SLC9B2: variants seen among roughly 807,000 people sequenced by gnomAD.
The protein encoded by SLC9B2 is solute carrier family 9 member B2, also known as sodium/hydrogen exchanger 9B2.
In SLC9B2, 39 loss-of-function variants were observed where a neutral mutation model predicts 52.2. The ratio of observed to expected loss-of-function variants is 0.75; its 90% confidence interval spans 0.58 to 0.98. The LOEUF is 0.98. Ranked by LOEUF, SLC9B2 falls within the 50% of genes least tolerant of loss-of-function variation. The pLI, the probability that SLC9B2 is intolerant of heterozygous loss-of-function variation, is 0.00. For synonymous variants in SLC9B2, 214 were observed against 227.0 expected, an observed-to-expected ratio of 0.94 and a Z score of 0.51; for missense variants, 626 against 637.5, an observed-to-expected ratio of 0.98 and a Z score of 0.19.
intron 9 of SLC9B2, among the ~76,000 whole-genome samples, chr4:103,036,810 C>T (rs557346674): frequency 6.6e-6 from 1 of 151,728 alleles, no homozygotes. Flanking sequence ...ATTATACTGT[C>T]TAAGAATTTA....
At chr4:103,066,291 T>C (rs1322398881) in intron 3 of SLC9B2, 36 bp downstream of exon 3, 1 of 1,587,046 alleles carries the variant, frequency 6.3e-7, no homozygotes. Flanking sequence ...TATAACAACT[T>C]CATCTTTTGC....
Position 103,059,941 on chromosome 4 carries a change from G to A in SLC9B2, c.272-1970C>T, listed in dbSNP as rs999923330. 2.0e-5 allele frequency among the ~76,000 whole-genome samples: 3 copies of A among 151,998 alleles called. 1 individual carries two copies. Among genetic ancestry groups the A allele is most frequent in the Admixed American group, 1.3e-4 (2 of 15,250 alleles). ...TTTTATGTTAAATTCTAGGTTGAGTGTTATTGTTTCTCCATTCCTTGAAAA... is the reference window on the plus strand; with the variant it reads ...TTTTATGTTAAATTCTAGGTTGAGTATTATTGTTTCTCCATTCCTTGAAAA... On this transcript the variant is annotated intron_variant, in intron 3 of 11. Coordinates refer to ENST00000394785, the MANE Select transcript of SLC9B2 (RefSeq NM_178833.7).
chr4:103,047,758 T>G (rs976919216), intron 6 of SLC9B2, among the ~76,000 whole-genome samples: 71 of 152,122 alleles, frequency 4.7e-4, no homozygotes, highest in African/African-American at 1.6e-3. Flanking sequence ...TATTCCATGG[T>G]GTATATGTGC....
chr4:103,037,632 C>A (rs1420571102), intron 9 of SLC9B2, among the ~76,000 whole-genome samples: 1 of 152,126 alleles, frequency 6.6e-6, no homozygotes, highest in Non-Finnish European at 1.5e-5. Flanking sequence ...ATGTTTTCAT[C>A]AGATAACGAG....
chr4:103,030,145 T>A (rs970046301), intron 10 of SLC9B2, among the ~76,000 whole-genome samples: 2 of 152,128 alleles, frequency 1.3e-5, no homozygotes, highest in Non-Finnish European at 2.9e-5. Context: ...TAACAGGACA[T>A]ACAAGTGGTG....
intron 9 of SLC9B2, among the ~76,000 whole-genome samples, chr4:103,032,425 C>T (rs2110579792): frequency 6.6e-6 from 1 of 152,242 alleles, no homozygotes; most frequent in East Asian, 1.9e-4. Flanking sequence ...CTTTATTGCC[C>T]ATTATCTCCA....
At chr4:103,065,180 G>GCACACGCA (rs1553917892) in intron 3 of SLC9B2, among the ~76,000 whole-genome samples, 1 of 145,072 alleles carries the variant, frequency 6.9e-6, no homozygotes, top group Non-Finnish European at 1.5e-5. Context: ...GTACACACAC[G>GCACACGCA]CACACACACA....
At chr4:103,044,765 C>G in intron 8 of SLC9B2, 125 bp downstream of exon 8, 1 of 774,424 alleles carries the variant, frequency 1.3e-6, no homozygotes, top group Non-Finnish European at 2.2e-6. Flanking sequence ...TAGCAGTAAG[C>G]AATTTTAAAA....
rs1310366616 is a variant in SLC9B2 at position 103,025,297 on chromosome 4, GT to G, written c.*1072del. Among the ~76,000 whole-genome samples the G allele has an allele frequency of 6.6e-6, 1 of 152,192 alleles. No homozygotes were observed. Among genetic ancestry groups the G allele is most frequent in the African/African-American group, 2.4e-5 (1 of 41,458 alleles). ...TTATTAGAATGCTAAGCCTGTGGGAGTTATTTATATCCCACTGCTCAAGGTC... is the reference window on the plus strand; with the variant it reads ...TTATTAGAATGCTAAGCCTGTGGGAGTATTTATATCCCACTGCTCAAGGTC... On this transcript the variant is annotated 3_prime_UTR_variant, in exon 12 of 12. Transcript: ENST00000394785.
chr4:103,054,233 T>C (rs768670752), intron 4 of SLC9B2, among the ~76,000 whole-genome samples: 3 of 152,116 alleles, frequency 2.0e-5, no homozygotes, highest in Non-Finnish European at 4.4e-5. Context: ...TGTGCAATGA[T>C]TGTGCAACTG....
intron 3 of SLC9B2, 137 bp downstream of exon 3, chr4:103,066,188 CAT>C: frequency 1.0e-6 from 1 of 953,222 alleles, no homozygotes; most frequent in Non-Finnish European, 1.6e-6. Flanking sequence ...CAGAGCCACC[CAT>C]GTGTGTGAAT....
rs1742117311 is a variant in SLC9B2 at position 103,025,516 on chromosome 4, T to G, written c.*854A>C. 1 of 152,198 alleles carries G rather than the reference T, an allele frequency of 6.6e-6. No individual in the cohort carries two copies. Among genetic ancestry groups the G allele is most frequent in the Non-Finnish European group, 1.5e-5 (1 of 68,040 alleles). 9.4% of individuals were successfully genotyped at this position (152,198 alleles called of 1,614,324 possible). On this transcript the variant is annotated 3_prime_UTR_variant, in exon 12 of 12. Coordinates refer to ENST00000394785, the MANE Select transcript of SLC9B2 (RefSeq NM_178833.7). ...TTCATTAGACAGAAATAGAATTTTA[T>G]TTTCTTTTAAGCACTGTATTTTTTA...
intron 4 of SLC9B2, among the ~76,000 whole-genome samples, chr4:103,053,701 GC>G (rs1243842450): frequency 2.6e-5 from 4 of 151,566 alleles, no homozygotes; most frequent in Non-Finnish European, 5.9e-5. Flanking sequence ...CTAGGCATCA[GC>G]TTTTTTTTTT....
At chr4:103,029,791 CT>C (rs1393468681) in intron 10 of SLC9B2, among the ~76,000 whole-genome samples, 2 of 152,010 alleles carry the variant, frequency 1.3e-5, no homozygotes, top group Admixed American at 6.6e-5. Flanking sequence ...CTGTACTAAG[CT>C]TTAAATGTAT....
downstream of SLC9B2, among the ~76,000 whole-genome samples, chr4:103,021,528 A>G (rs1741790359): frequency 6.6e-6 from 1 of 152,250 alleles, no homozygotes; most frequent in Non-Finnish European, 1.5e-5. Context: ...TCTTATAAAA[A>G]TTAAGTTTTA....
At chr4:103,050,969 A>C (rs1241525744) in intron 4 of SLC9B2, among the ~76,000 whole-genome samples, 1 of 152,198 alleles carries the variant, frequency 6.6e-6, no homozygotes, top group Non-Finnish European at 1.5e-5. Context: ...TGTATCACAC[A>C]TATAATAATG....
chr4:103,058,062 G>T, intron 3 of SLC9B2, 91 bp from the exon 4 acceptor site: 1 of 1,148,910 alleles, frequency 8.7e-7, no homozygotes, highest in Non-Finnish European at 1.2e-6. Flanking sequence ...AATAAATACT[G>T]AATGAAAATG....
intron 4 of SLC9B2, among the ~76,000 whole-genome samples, chr4:103,050,953 A>C (rs2110622357): frequency 6.6e-6 from 1 of 152,338 alleles, no homozygotes; most frequent in East Asian, 1.9e-4. Context: ...TTTAGACACT[A>C]GAGTATGTAT....
rs148280384 is a variant in SLC9B2 at position 103,049,256 on chromosome 4, T to C, written c.586-236A>G. Among the ~76,000 whole-genome samples, 1,490 of 152,290 alleles carry C rather than the reference T, an allele frequency of 9.8e-3. 18 individuals are homozygous for C. The highest frequency in any genetic ancestry group is 0.015 in the Admixed American group (232 of 15,298). On this transcript the variant is annotated intron_variant, in intron 5 of 11. Coordinates refer to ENST00000394785, the MANE Select transcript of SLC9B2 (RefSeq NM_178833.7). ...ATTATTATCCCCATATTTTTAGATG[T>C]CCTCATCTGAAAAGGCACAGGCTAA... is the stretch of plus-strand genomic sequence containing the variant.
Sources: gnomAD v4.1 joint callset for allele counts (sites outside exome capture counted in the v4.1 genomes callset) on GRCh38, gnomAD v4.1.1 for gene constraint, MANE v1.5 for transcripts, NCBI Gene and HGNC (gene_info 2026-07-23, HGNC 2026-07-21) for gene names.